The following COL18A1 variants were observed in gnomAD, a reference collection of about 807,000 sequenced individuals.
COL18A1 encodes collagen type XVIII alpha 1 chain.
In COL18A1, 133 loss-of-function variants were observed where a neutral mutation model predicts 168.0. The ratio of observed to expected loss-of-function variants is 0.79; its 90% CI spans 0.69 to 0.91. The LOEUF is 0.91. COL18A1 is among the 40% of genes least tolerant of loss of function. COL18A1 has a pLI of 0.00. For synonymous variants in COL18A1, 949 were observed against 809.0 expected (o/e 1.17, Z -2.94); for missense variants, 2,126 against 1,925.4 (o/e 1.10, Z -1.95).
At chr21:45,424,584 C>T (rs1319554009) in intron 2 of COL18A1, 1 of 152,336 alleles carries the variant, frequency 6.6e-6, no homozygotes, top group African/African-American at 2.4e-5. Context: ...GTGGAGAACT[C>T]GCGAGCACTC....
rs1474623466 is a variant in COL18A1 at position 45,463,979 on chromosome 21, C to T, written c.107-4263C>T. Among the ~76,000 whole-genome samples the T allele has an allele frequency of 6.6e-6, 1 of 152,194 alleles. No individual in the cohort carries two copies. The highest frequency in any genetic ancestry group is 6.5e-5 in the Admixed American group (1 of 15,282). ...ATGTGCAGGTGTCTAGCCTGGATGC[C>T]ACCCAGCTATGCCAAATGCGGGGAG... On this transcript the variant is annotated intron_variant, in intron 2 of 41. Transcript: ENST00000651438. The surrounding 1 kb of genome is among the most constrained non-coding windows in gnomAD (Gnocchi z 4.0).
chr21:45,453,718 G>C (rs1156485112), intron 2 of COL18A1, among the ~76,000 whole-genome samples: 2 of 152,150 alleles, frequency 1.3e-5, no homozygotes, highest in Non-Finnish European at 2.9e-5. Flanking sequence ...GGAGGGAGCT[G>C]GGCACCCTGC....
At chr21:45,465,735 A>G (rs1490061622) in intron 2 of COL18A1, among the ~76,000 whole-genome samples, 4 of 152,150 alleles carry the variant, frequency 2.6e-5, no homozygotes, top group Non-Finnish European at 4.4e-5. Context: ...CAGAGACTCC[A>G]GGCCCTGTGC....
At chr21:45,438,647 A>AT (rs1157053767) in intron 2 of COL18A1, among the ~76,000 whole-genome samples, 1 of 152,052 alleles carries the variant, frequency 6.6e-6, no homozygotes. Flanking sequence ...CTAAGACCCC[A>AT]TTTGCACTGA....
chr21:45,474,040 A>G (rs1365724621), intron 4 of COL18A1, 59 bp downstream of exon 4: 103 of 1,365,174 alleles, frequency 7.5e-5, no homozygotes, highest in Non-Finnish European at 1.0e-4. Flanking sequence ...CGCGGAGTTC[A>G]GGGCCAAGGT....
intron 2 of COL18A1, among the ~76,000 whole-genome samples, chr21:45,460,554 TCCCTACCCCATGGGCCAG>T (rs2035006690): frequency 6.6e-6 from 1 of 152,192 alleles, no homozygotes; most frequent in Non-Finnish European, 1.5e-5. Context: ...TCATCGCTCC[TCCCTACCCCATGGGCCAG>T]CCACTGGCAC....
In COL18A1 at chr21:45,468,429, C is replaced by G. The variant is rs2145890268; in HGVS notation, c.294C>G (p.Ile98Met). 6.2e-7 allele frequency: 1 copy of G among 1,614,074 alleles called. No individual in the cohort carries two copies. Among genetic ancestry groups the G allele is most frequent in the Admixed American group, 1.7e-5 (1 of 60,036 alleles). Reference protein sequence around the residue: ...FFRDFSLLFHIRPATEGPGVL... With the variant: ...FFRDFSLLFHMRPATEGPGVL... Reference sequence around the variant, plus strand: ...GTGACTTCTCACTGCTGTTCCACATCCGGCCAGCCACAGAGGGCCCAGGGG... The same window carrying G: ...GTGACTTCTCACTGCTGTTCCACATGCGGCCAGCCACAGAGGGCCCAGGGG... The change falls in exon 3 of 42, where the codon ATC becomes ATG. Residue 98 changes from isoleucine to methionine, a missense_variant. Physicochemically the swap from Ile to Met is conservative, Grantham distance 10. Coordinates refer to ENST00000651438, the MANE Select transcript of COL18A1 (RefSeq NM_001379500.1).
chr21:45,432,202 G>A (rs1006704563), intron 2 of COL18A1, among the ~76,000 whole-genome samples: 1 of 152,182 alleles, frequency 6.6e-6, no homozygotes, highest in Non-Finnish European at 1.5e-5. Flanking sequence ...GGATTTGGGG[G>A]ACAGGTGCCC....
intron 13 of COL18A1, 118 bp from the exon 14 acceptor site, chr21:45,481,845 G>A (rs1450103228): frequency 2.1e-5 from 16 of 767,222 alleles, no homozygotes; most frequent in Non-Finnish European, 3.5e-5. Context: ...CCTGTGTCTG[G>A]GGAACGTTCT....
At chr21:45,415,474 C>T (rs981252469) in intron 2 of COL18A1, among the ~76,000 whole-genome samples, 2 of 152,038 alleles carry the variant, frequency 1.3e-5, no homozygotes, top group South Asian at 2.1e-4. Context: ...CCGGCTGCCA[C>T]GGGTGGGGCA....
chr21:45,466,519 G>A (rs1568890592), intron 2 of COL18A1, among the ~76,000 whole-genome samples: 2 of 152,238 alleles, frequency 1.3e-5, no homozygotes, highest in African/African-American at 4.8e-5. Flanking sequence ...TCGAAATGGG[G>A]TTCAGGCATT....
chr21:45,426,839 G>A (rs1447817131), intron 2 of COL18A1, among the ~76,000 whole-genome samples: 6 of 152,232 alleles, frequency 3.9e-5, no homozygotes, highest in African/African-American at 1.4e-4. Flanking sequence ...GGAGGCCTTG[G>A]AGGGTACCCA....
chr21:45,428,450 T>C (rs1015978846), intron 2 of COL18A1, among the ~76,000 whole-genome samples: 3 of 152,210 alleles, frequency 2.0e-5, no homozygotes, highest in Admixed American at 6.5e-5. Flanking sequence ...CTGGAAACGA[T>C]TGGATTCTTT....
In COL18A1 at chr21:45,480,217, C is replaced by T. The variant is rs992296689; in HGVS notation, c.1398+61C>T. On this transcript the variant is annotated intron_variant, in intron 11 of 41. Transcript: ENST00000651438. ...CTGCCCTCCTCAAAAGCAGGCACTGCCTCTGGCCCAGAAGTATCAGCTCCA... is the reference window on the plus strand; with the variant it reads ...CTGCCCTCCTCAAAAGCAGGCACTGTCTCTGGCCCAGAAGTATCAGCTCCA... The T allele has an allele frequency of 6.0e-6, 7 of 1,164,876 alleles. No homozygotes were observed. The Admixed American group carries it at 1.2e-4, about 20-fold the overall frequency. 72.2% of individuals were successfully genotyped at this position (1,164,876 alleles called of 1,614,324 possible).
At position 45,449,349 on chromosome 21, in the gene COL18A1, C is replaced by T. The variant is rs144835615; in HGVS notation, c.107-18893C>T. Among the ~76,000 whole-genome samples, 339 of 152,322 alleles carry T rather than the reference C, an allele frequency of 2.2e-3. 1 individual carries two copies. The highest frequency in any genetic ancestry group is 7.9e-3 in the African/African-American group (327 of 41,556). Reference sequence around the variant, plus strand: ...ATTTAGGAGCCAAGAAGGCTCCCACCACTCGTGATCACCCAGTGGAGGATT... The same window carrying T: ...ATTTAGGAGCCAAGAAGGCTCCCACTACTCGTGATCACCCAGTGGAGGATT... On this transcript the variant is annotated intron_variant, in intron 2 of 41. Coordinates refer to ENST00000651438, the MANE Select transcript of COL18A1 (RefSeq NM_001379500.1).
At position 45,471,698 on chromosome 21, in the gene COL18A1, G is replaced by A. The variant is rs948210201; in HGVS notation, c.652-2197G>A. ...TCATGCACCCCTCCCAGCTGCTGCC[G>A]TTGCCTTGAACGTCATTTCCAGCTG... On this transcript the variant is annotated intron_variant, in intron 3 of 41. Transcript: ENST00000651438. The surrounding 1 kb of genome is among the most constrained non-coding windows in gnomAD (Gnocchi z 4.4). Among the ~76,000 whole-genome samples, 7 of 152,046 alleles carry A rather than the reference G, an allele frequency of 4.6e-5. No homozygotes were observed. Among genetic ancestry groups the A allele is most frequent in the Non-Finnish European group, 7.4e-5 (5 of 68,014 alleles).
At chr21:45,437,434 G>A (rs1205608197) in intron 2 of COL18A1, among the ~76,000 whole-genome samples, 2 of 68,564 alleles carry the variant, frequency 2.9e-5, no homozygotes, top group African/African-American at 2.2e-4. Context: ...GCACTCTCCT[G>A]CACACACACA....
At position 45,463,905 on chromosome 21, in the gene COL18A1, AAAAG is replaced by A. The variant is rs996592284; in HGVS notation, c.107-4333_107-4330del. ...AGAGCGAAACTCCATCTAAAAAAAA[AAAAG>A]AAAAGGAAAGAAATCAAGTCTTGAG... is the stretch of plus-strand genomic sequence containing the variant. On this transcript the variant is annotated intron_variant, in intron 2 of 41. Coordinates refer to ENST00000651438, the MANE Select transcript of COL18A1 (RefSeq NM_001379500.1). This position sits in a 1 kb window ranked among gnomAD's most constrained non-coding sequence, Gnocchi z 4.0. 3.3e-5 allele frequency among the ~76,000 whole-genome samples: 5 copies of A among 152,292 alleles called. No individual in the cohort carries two copies. Among genetic ancestry groups the A allele is most frequent in the East Asian group, 1.9e-4 (1 of 5,182 alleles).
chr21:45,489,553 C>G, intron 19 of COL18A1, 32 bp downstream of exon 19: 2 of 1,532,146 alleles, frequency 1.3e-6, no homozygotes, highest in East Asian at 2.3e-5. Flanking sequence ...AGGGACGTGG[C>G]CAGGCAGAGG....
Sources: allele counts gnomAD v4.1 joint callset (sites outside exome capture counted in the v4.1 genomes callset), GRCh38; gene constraint gnomAD v4.1.1; non-coding constraint Gnocchi (gnomAD v3.1); transcripts MANE v1.5; gene names NCBI Gene and HGNC (gene_info 2026-07-23, HGNC 2026-07-21).